The following COL6A5 variants were observed in gnomAD, a reference collection of about 807,000 sequenced individuals.
COL6A5 encodes collagen alpha-5(VI) chain.
COL6A5 carries 48 observed loss-of-function variants against 65.6 expected under a neutral mutation model. The ratio of observed to expected loss-of-function variants is 0.73; its 90% CI spans 0.58 to 0.93. COL6A5 has a LOEUF of 0.93. Ranked by LOEUF, COL6A5 falls within the 40% of genes least tolerant of loss-of-function variation. The pLI is 0.00. For synonymous variants in COL6A5, 291 were observed against 322.8 expected (o/e 0.90, Z 1.05); for missense variants, 914 against 928.3 (o/e 0.98, Z 0.20).
intron 10 of COL6A5, among the ~76,000 whole-genome samples, chr3:130,398,801 C>G (rs139828505): frequency 4.9e-4 from 75 of 152,258 alleles, no homozygotes; most frequent in African/African-American, 1.6e-3. Context: ...AATTTGCATT[C>G]CAGAGTCCCT....
chr3:130,395,011 G>T, exon 8 of COL6A5: 3 of 1,551,426 alleles, frequency 1.9e-6, no homozygotes, highest in Non-Finnish European at 2.6e-6. Flanking sequence ...TTGACATTCA[G>T]TCTCAAAGAA....
intron 1 of COL6A5, among the ~76,000 whole-genome samples, chr3:130,432,695 T>G (rs921310750): frequency 6.6e-6 from 1 of 152,154 alleles, no homozygotes; most frequent in Non-Finnish European, 1.5e-5. Context: ...CCTCTACTGC[T>G]CTGGTGTTTC....
chr3:130,470,958 A>G (rs971946569), exon 7 of COL6A5: 1 of 1,610,556 alleles, frequency 6.2e-7, no homozygotes, highest in African/African-American at 1.3e-5. Flanking sequence ...GGCACAGAAA[A>G]CACTGTATTG....
exon 4 of COL6A5, chr3:130,379,669 A>C (rs754241244): frequency 3.9e-5 from 61 of 1,551,458 alleles, no homozygotes; most frequent in Non-Finnish European, 5.3e-5. Flanking sequence ...GAATCTTTCT[A>C]TCCAAGTTGG....
rs1014650147 is a variant in COL6A5 at position 130,443,576 on chromosome 3, A to G, written c.1332+10A>G. ...AAAATGATGGTTTCCAGTAAGTTAG[A>G]AAGCTCTTATATTTACAAGTGACTG... On this transcript the variant is annotated intron_variant, in intron 4 of 7. Transcript: ENST00000512836. 2 of 1,560,528 alleles carry G rather than the reference A, an allele frequency of 1.3e-6. No homozygotes were observed. The highest frequency in any genetic ancestry group is 2.7e-5 in the African/African-American group (2 of 74,040).
chr3:130,378,779 G>A (rs1429600635), intron 3 of COL6A5, among the ~76,000 whole-genome samples: 1 of 147,502 alleles, frequency 6.8e-6, no homozygotes, highest in Non-Finnish European at 1.5e-5. Context: ...CTCTCAGAGA[G>A]GCCTTCCCTG....
chr3:130,402,356 A>G (rs1222713963), intron 12 of COL6A5, among the ~76,000 whole-genome samples: 2 of 152,234 alleles, frequency 1.3e-5, no homozygotes, highest in East Asian at 1.9e-4. Context: ...TTGCAGATTA[A>G]TAGCCTTTTA....
chr3:130,353,376 G>A (rs1934792663), intron 1 of COL6A5, among the ~76,000 whole-genome samples: 1 of 152,110 alleles, frequency 6.6e-6, no homozygotes, highest in Non-Finnish European at 1.5e-5. Flanking sequence ...TTTGTTACGT[G>A]CAAAACAAAG....
intron 3 of COL6A5, 33 bp downstream of exon 3, chr3:130,376,869 T>C (rs1189245729): frequency 3.0e-5 from 47 of 1,566,710 alleles, no homozygotes; most frequent in Non-Finnish European, 4.0e-5. Context: ...AGGTGCCTGA[T>C]CCCCAGGTGG....
Position 130,416,752 on chromosome 3 carries a change from T to C in COL6A5, c.4825-5T>C. 6.6e-7 allele frequency: 1 copy of C among 1,521,080 alleles called. No homozygotes were observed. The highest frequency in any genetic ancestry group is 8.9e-7 in the Non-Finnish European group (1 of 1,127,920). 94.2% of individuals were successfully genotyped at this position (1,521,080 alleles called of 1,614,324 possible). On this transcript the variant is annotated splice_region_variant and splice_polypyrimidine_tract_variant and intron_variant and NMD_transcript_variant, in intron 23 of 41. Coordinates refer to the COL6A5 transcript ENST00000312481. ...CAACATTTTAGTCTCTAATTTTTTT[T>C]TCAGGGTTCTCCTGGGCTAATGGGA...
intron 29 of COL6A5, among the ~76,000 whole-genome samples, chr3:130,424,617 A>G (rs1479684971): frequency 6.6e-6 from 1 of 152,104 alleles, no homozygotes; most frequent in Non-Finnish European, 1.5e-5. Flanking sequence ...GTATTTTCTG[A>G]TTACTTGAAG....
intron 22 of COL6A5, 30 bp from the exon 23 acceptor site, chr3:130,415,615 T>C: frequency 2.0e-6 from 3 of 1,524,362 alleles, no homozygotes; most frequent in Non-Finnish European, 2.7e-6. Context: ...TTGACATAAT[T>C]GCATTGTATT....
chr3:130,365,159 G>C (rs1176891505), intron 1 of COL6A5, among the ~76,000 whole-genome samples: 1 of 152,230 alleles, frequency 6.6e-6, no homozygotes, highest in Non-Finnish European at 1.5e-5. Flanking sequence ...TCCTGGAGTA[G>C]GAGTGAGGTC....
At chr3:130,443,225 T>C (rs1233932966) in intron 3 of COL6A5, among the ~76,000 whole-genome samples, 1 of 152,166 alleles carries the variant, frequency 6.6e-6, no homozygotes, top group Non-Finnish European at 1.5e-5. Context: ...GCATCACAAC[T>C]AGCTCTTAGA....
intron 1 of COL6A5, among the ~76,000 whole-genome samples, chr3:130,346,897 A>AT (rs1306766260): frequency 1.3e-5 from 2 of 152,238 alleles, no homozygotes; most frequent in South Asian, 2.1e-4. Flanking sequence ...ATTTTTTTCC[A>AT]TTTTTTCTAT....
At chr3:130,410,950 T>G (rs771671432) in intron 20 of COL6A5, among the ~76,000 whole-genome samples, 2 of 152,204 alleles carry the variant, frequency 1.3e-5, no homozygotes, top group Non-Finnish European at 2.9e-5. Flanking sequence ...CCAATGATTT[T>G]GACACAAAAG....
chr3:130,414,457 G>A (rs981227930), intron 22 of COL6A5, among the ~76,000 whole-genome samples: 1 of 152,078 alleles, frequency 6.6e-6, no homozygotes, highest in Non-Finnish European at 1.5e-5. Flanking sequence ...CATAGCTGGG[G>A]TCCTGCATAC....
At chr3:130,410,616 C>T (rs1455685972) in intron 20 of COL6A5, 92 bp downstream of exon 20, 1 of 1,086,664 alleles carries the variant, frequency 9.2e-7, no homozygotes, top group Non-Finnish European at 1.4e-6. Context: ...TTGGCTGATT[C>T]AGGGCTGAAA....
At chr3:130,414,231 G>GC in intron 22 of COL6A5, 100 bp downstream of exon 22, 1 of 932,908 alleles carries the variant, frequency 1.1e-6, no homozygotes, top group South Asian at 1.5e-5. Context: ...CTGAGAATCT[G>GC]CCCCCTGCCC....
Sources: allele counts gnomAD v4.1 joint callset (sites outside exome capture counted in the v4.1 genomes callset), GRCh38; gene constraint gnomAD v4.1.1; transcripts MANE v1.5; gene names NCBI Gene and HGNC (gene_info 2026-07-23, HGNC 2026-07-21).